WDFY4: variants seen among roughly 807,000 people sequenced by gnomAD.
WDFY4 encodes the protein WD repeat- and FYVE domain-containing protein 4.
A neutral mutation model predicts 351.9 loss-of-function variants in WDFY4; 169 were observed. The ratio of observed to expected loss-of-function variants is 0.48; its 90% CI spans 0.42 to 0.55. WDFY4 has a LOEUF of 0.55. WDFY4 is among the 20% of genes least tolerant of loss of function. The probability of loss-of-function intolerance (pLI) is 0.00; values close to 1 mark genes in which losing one functional copy is unlikely to be tolerated. For missense variants in WDFY4, 3,803 were observed against 3,935.6 expected, an observed-to-expected ratio of 0.97 and a Z score of 0.90; for synonymous variants, 1,622 against 1,574.6, an observed-to-expected ratio of 1.03 and a Z score of -0.71.
intron 13 of WDFY4, among the ~76,000 whole-genome samples, chr10:48,761,914 G>A (rs2065519290): frequency 6.6e-6 from 1 of 152,220 alleles, no homozygotes; most frequent in South Asian, 2.1e-4. Context: ...AACCAATGGA[G>A]AAATGTGAGT....
In WDFY4 at chr10:48,775,618, G is replaced by A. The variant is rs2066005799; in HGVS notation, c.2769-94G>A. The A allele has an allele frequency of 1.2e-5, 15 of 1,201,808 alleles. No individual in the cohort carries two copies. The East Asian group carries it at 3.9e-4, about 31-fold the overall frequency. The allele number at this position is 1,201,808 out of a possible 1,614,324, so 74.4% of individuals were successfully genotyped here. A position where few individuals can be genotyped will look rare whatever the true frequency, so the allele number is the denominator to read the frequency against. On this transcript the variant is annotated intron_variant, in intron 14 of 61. Coordinates refer to ENST00000325239, the MANE Select transcript of WDFY4 (RefSeq NM_001394531.1). Reference sequence around the variant, plus strand: ...TCCAGTGGGGCTGGGAGGTCAGGGAGCTCCAGGCATCTAGGACAGTTGTCA... The same window carrying A: ...TCCAGTGGGGCTGGGAGGTCAGGGAACTCCAGGCATCTAGGACAGTTGTCA...
Position 48,777,367 on chromosome 10 carries a change from T to G in WDFY4, c.3099-52T>G, listed in dbSNP as rs369933343. 7.4e-6 allele frequency: 11 copies of G among 1,481,036 alleles called. No individual in the cohort carries two copies. In the East Asian group the frequency reaches 1.5e-4, roughly 20 times the overall value. The allele number at this position is 1,481,036 out of a possible 1,614,324, so 91.7% of individuals were successfully genotyped here. ...TCATGGCCCAGACTAGCTGTGTCAG[T>G]GCAAGAGATTGGCTTGCAGTCCAAT... On this transcript the variant is annotated intron_variant, in intron 16 of 61. Transcript: ENST00000325239.
At chr10:48,823,294 G>T in intron 35 of WDFY4, 1 of 1,288,730 alleles carries the variant, frequency 7.8e-7, no homozygotes. Context: ...CCCACCCAGG[G>T]GGATGTCTGT....
chr10:48,878,197 C>T (rs17011340), intron 43 of WDFY4: 8,964 of 152,234 alleles, frequency 0.059, 901 homozygotes, highest in African/African-American at 0.21. Context: ...CTGGGTGAAT[C>T]GGGCTTTTCC....
At chr10:48,888,847 A>G (rs931316630) in intron 43 of WDFY4, among the ~76,000 whole-genome samples, 1 of 152,164 alleles carries the variant, frequency 6.6e-6, no homozygotes, top group African/African-American at 2.4e-5. Context: ...TGTTCTCGCC[A>G]AGTTTCTCCC....
intron 30 of WDFY4, among the ~76,000 whole-genome samples, chr10:48,812,719 C>T (rs1280041035): frequency 6.6e-6 from 1 of 152,156 alleles, no homozygotes; most frequent in Admixed American, 6.5e-5. Flanking sequence ...ATTCAGGTGA[C>T]TTTCACACCT....
At chr10:48,891,260 G>C (rs1160239499) in intron 44 of WDFY4, among the ~76,000 whole-genome samples, 3 of 152,202 alleles carry the variant, frequency 2.0e-5, no homozygotes, top group Non-Finnish European at 2.9e-5. Flanking sequence ...TCTGGGTTTT[G>C]CAGAATGGGT....
At chr10:48,798,720 G>T (rs61838863) in intron 24 of WDFY4, among the ~76,000 whole-genome samples, 7,722 of 152,230 alleles carry the variant, frequency 0.051, 247 homozygotes, top group Middle Eastern at 0.082. Flanking sequence ...CAGGAAATAG[G>T]TTCTTTCTAG....
intron 12 of WDFY4, among the ~76,000 whole-genome samples, chr10:48,749,118 C>T (rs2065102078): frequency 6.6e-6 from 1 of 152,186 alleles, no homozygotes; most frequent in Admixed American, 6.5e-5. Flanking sequence ...AGACACCATG[C>T]TCAGCTTTTT....
intron 17 of WDFY4, among the ~76,000 whole-genome samples, chr10:48,778,136 GT>G (rs1364432837): frequency 6.6e-6 from 1 of 152,208 alleles, no homozygotes; most frequent in Admixed American, 6.5e-5. Context: ...TGGGTTTGGG[GT>G]TTCTATGGGA....
At chr10:48,906,793 C>T (rs1837638204) in intron 47 of WDFY4, among the ~76,000 whole-genome samples, 1 of 152,178 alleles carries the variant, frequency 6.6e-6, no homozygotes, top group African/African-American at 2.4e-5. Flanking sequence ...TTAACAATTA[C>T]CCAACCCCTT....
In WDFY4 at chr10:48,805,258, A is replaced by G. The variant is rs748753983; in HGVS notation, c.4485-2A>G. The G allele has an allele frequency of 1.3e-6, 2 of 1,542,468 alleles. No individual in the cohort carries two copies. Among genetic ancestry groups the G allele is most frequent in the Non-Finnish European group, 8.7e-7 (1 of 1,146,892 alleles). ...TTACTGTCTCTCTCCTGTACTCACCAGGGAAGGACCCAGGAATGCTGAAGC... is the reference window on the plus strand; with the variant it reads ...TTACTGTCTCTCTCCTGTACTCACCGGGGAAGGACCCAGGAATGCTGAAGC... On this transcript the variant is annotated splice_acceptor_variant, in intron 25 of 61. Transcript: ENST00000325239. LOFTEE classifies it high-confidence loss of function.
intron 54 of WDFY4, among the ~76,000 whole-genome samples, chr10:48,966,047 C>T (rs1842067585): frequency 6.6e-6 from 1 of 151,992 alleles, no homozygotes; most frequent in African/African-American, 2.4e-5. Context: ...TGCCTGTGTT[C>T]TTTGGAATAT....
chr10:48,848,073 A>G (rs2068837612), intron 39 of WDFY4, among the ~76,000 whole-genome samples: 1 of 152,202 alleles, frequency 6.6e-6, no homozygotes, highest in Non-Finnish European at 1.5e-5. Context: ...GCACTCAGAG[A>G]AAAGAGCCTT....
At chr10:48,742,123 A>G (rs2064870200) in intron 11 of WDFY4, among the ~76,000 whole-genome samples, 1 of 151,684 alleles carries the variant, frequency 6.6e-6, no homozygotes, top group Non-Finnish European at 1.5e-5. Context: ...CACTGGGCCC[A>G]AGTAAGTAAG....
intron 44 of WDFY4, among the ~76,000 whole-genome samples, chr10:48,891,066 G>A (rs966037447): frequency 5.9e-5 from 9 of 152,306 alleles, no homozygotes; most frequent in South Asian, 4.1e-4. Flanking sequence ...CTCATTCTGC[G>A]TGAGAAAACA....
chr10:48,865,283 G>A (rs921729936), intron 39 of WDFY4, among the ~76,000 whole-genome samples: 4 of 152,098 alleles, frequency 2.6e-5, no homozygotes, highest in African/African-American at 9.7e-5. Flanking sequence ...TCATGAAAGG[G>A]TTTTAAATTT....
At chr10:48,822,576 G>T in intron 35 of WDFY4, 39 bp downstream of exon 35, 1 of 1,453,634 alleles carries the variant, frequency 6.9e-7, no homozygotes, top group South Asian at 1.5e-5. Flanking sequence ...GTGTGGATCT[G>T]AATGATGTGC....
At chr10:48,687,931 G>A (rs1164528255) in intron 1 of WDFY4, among the ~76,000 whole-genome samples, 9 of 152,142 alleles carry the variant, frequency 5.9e-5, no homozygotes, top group South Asian at 4.1e-4. Flanking sequence ...ACTGGCGTGC[G>A]CCACCACATC....
Sources: gnomAD v4.1 joint callset for allele counts (sites outside exome capture counted in the v4.1 genomes callset) on GRCh38, gnomAD v4.1.1 for gene constraint, MANE v1.5 for transcripts, NCBI Gene and HGNC (gene_info 2026-07-23, HGNC 2026-07-21) for gene names.